CNTNAP2: variants seen among roughly 807,000 people sequenced by gnomAD.
CNTNAP2 encodes contactin-associated protein-like 2.
A neutral mutation model predicts 155.2 loss-of-function variants in CNTNAP2; 98 were observed. The ratio of observed to expected loss-of-function variants is 0.63; its 90% CI spans 0.54 to 0.75. CNTNAP2 has a LOEUF of 0.75. Ranked by LOEUF, CNTNAP2 falls within the 30% of genes least tolerant of loss-of-function variation. The pLI, the probability that CNTNAP2 is intolerant of heterozygous loss-of-function variation, is 0.00. For synonymous variants in CNTNAP2, 651 were observed against 631.2 expected (o/e 1.03, Z -0.47); for missense variants, 1,727 against 1,688.1 (o/e 1.02, Z -0.40).
In CNTNAP2 at chr7:146,937,224, T is replaced by TA. The variant is rs976018084; in HGVS notation, c.402+97328dup. ...AACACAGTGAAACCCCGTCTCTACT[T>TA]AAAAAAAATAGAAAAACTTAGCAGG... On this transcript the variant is annotated intron_variant, in intron 3 of 23. Coordinates refer to ENST00000361727, the MANE Select transcript of CNTNAP2 (RefSeq NM_014141.6). Among the ~76,000 whole-genome samples the TA allele has an allele frequency of 8.6e-5, 13 of 150,680 alleles. No individual in the cohort carries two copies. The South Asian group carries it at 1.3e-3, about 15-fold the overall frequency.
chr7:148,106,519 T>TATATATATATATATATATATATATATAC (rs1491129840), intron 15 of CNTNAP2, among the ~76,000 whole-genome samples: 13 of 130,862 alleles, frequency 9.9e-5, no homozygotes, highest in African/African-American at 3.3e-4. Flanking sequence ...TATATATATA[T>TATATATATATATATATATATATATATAC]ACATATTTTT....
chr7:146,433,647 G>C (rs952043294), intron 1 of CNTNAP2, among the ~76,000 whole-genome samples: 1 of 152,098 alleles, frequency 6.6e-6, no homozygotes, highest in African/African-American at 2.4e-5. Context: ...CAAGCATGAA[G>C]TCATGAGTTC....
intron 1 of CNTNAP2, among the ~76,000 whole-genome samples, chr7:146,656,409 A>G (rs190866917): frequency 6.6e-6 from 1 of 152,350 alleles, no homozygotes; most frequent in Non-Finnish European, 1.5e-5. Flanking sequence ...AAAATTTGAA[A>G]CAGTATATCT....
chr7:147,133,381 G>A (rs1801415689), intron 8 of CNTNAP2, among the ~76,000 whole-genome samples: 1 of 152,050 alleles, frequency 6.6e-6, no homozygotes, highest in Admixed American at 6.6e-5. Context: ...ACTTAGTACA[G>A]ATGTAGCAGA....
intron 21 of CNTNAP2, among the ~76,000 whole-genome samples, chr7:148,330,079 TGG>T: frequency 6.6e-6 from 1 of 152,048 alleles, no homozygotes; most frequent in Admixed American, 6.6e-5. Context: ...AATGGAGGGA[TGG>T]AGTGGACACA....
chr7:146,513,986 C>T (rs145475780), intron 1 of CNTNAP2, among the ~76,000 whole-genome samples: 195 of 152,042 alleles, frequency 1.3e-3, no homozygotes, highest in African/African-American at 4.6e-3. Context: ...TTTTTTACTT[C>T]AGTACTTTTT....
Position 147,044,057 on chromosome 7 carries a change from G to A in CNTNAP2, c.550+3G>A, listed in dbSNP as rs1799308718. ...TGAAGTTTATGGCTGTTCTTACTGT[G>A]AGTATCGTATTGTTTAAATTTGTGG... is the stretch of plus-strand genomic sequence containing the variant. On this transcript the variant is annotated splice_donor_region_variant and intron_variant, in intron 4 of 23. Coordinates refer to ENST00000361727, the MANE Select transcript of CNTNAP2 (RefSeq NM_014141.6). The A allele has an allele frequency of 6.2e-7, 1 of 1,614,036 alleles. No individual in the cohort carries two copies. Among genetic ancestry groups the A allele is most frequent in the Non-Finnish European group, 8.5e-7 (1 of 1,179,966 alleles).
chr7:147,758,800 G>A (rs1347703100), intron 13 of CNTNAP2, among the ~76,000 whole-genome samples: 1 of 152,122 alleles, frequency 6.6e-6, no homozygotes, highest in Admixed American at 6.5e-5. Context: ...AGCCCAGATT[G>A]CTCCACTGTA....
chr7:146,940,142 A>G (rs374717334), intron 3 of CNTNAP2, among the ~76,000 whole-genome samples: 3 of 152,196 alleles, frequency 2.0e-5, no homozygotes, highest in African/African-American at 7.2e-5. Flanking sequence ...TTAATATTTC[A>G]TTGATGTCAC....
At chr7:148,178,191 A>G (rs1794980352) in intron 18 of CNTNAP2, among the ~76,000 whole-genome samples, 1 of 152,226 alleles carries the variant, frequency 6.6e-6, no homozygotes, top group Non-Finnish European at 1.5e-5. Context: ...AGACACAAAG[A>G]TATCTCCAAA....
chr7:147,617,154 C>A (rs1000135527), intron 12 of CNTNAP2, among the ~76,000 whole-genome samples: 1 of 152,130 alleles, frequency 6.6e-6, no homozygotes, highest in African/African-American at 2.4e-5. Flanking sequence ...CTTCTTCATG[C>A]GACACATCCC....
chr7:147,723,403 G>T (rs1046691832), intron 13 of CNTNAP2, among the ~76,000 whole-genome samples: 4 of 151,892 alleles, frequency 2.6e-5, no homozygotes, highest in African/African-American at 7.2e-5. Flanking sequence ...TTGGGGAAAA[G>T]AAAAAATTTA....
intron 1 of CNTNAP2, among the ~76,000 whole-genome samples, chr7:146,347,973 G>A (rs1227751045): frequency 6.6e-6 from 1 of 152,168 alleles, no homozygotes; most frequent in Non-Finnish European, 1.5e-5. Flanking sequence ...ATCATCAGTT[G>A]GAGTTTTATT....
At chr7:147,265,492 G>A (rs1804586573) in intron 8 of CNTNAP2, among the ~76,000 whole-genome samples, 1 of 152,180 alleles carries the variant, frequency 6.6e-6, no homozygotes, top group Admixed American at 6.5e-5. Flanking sequence ...GGGGCTTAGG[G>A]ACCAAACTCT....
chr7:147,136,458 C>T (rs1304615748), intron 8 of CNTNAP2, among the ~76,000 whole-genome samples: 1 of 151,918 alleles, frequency 6.6e-6, no homozygotes, highest in African/African-American at 2.4e-5. Flanking sequence ...CTTCTGTGGA[C>T]TTGTTTTATT....
intron 13 of CNTNAP2, among the ~76,000 whole-genome samples, chr7:147,737,168 T>A (rs1190478564): frequency 6.6e-6 from 1 of 152,112 alleles, no homozygotes; most frequent in Non-Finnish European, 1.5e-5. Flanking sequence ...CTACCTTTGG[T>A]GTTTGATGAT....
intron 21 of CNTNAP2, among the ~76,000 whole-genome samples, chr7:148,279,776 A>C (rs901862658): frequency 6.6e-6 from 1 of 152,242 alleles, no homozygotes; most frequent in Non-Finnish European, 1.5e-5. Context: ...CAGGTGTTGC[A>C]TATGAACGCA....
At chr7:147,479,931 T>A (rs1798392488) in intron 10 of CNTNAP2, among the ~76,000 whole-genome samples, 1 of 152,134 alleles carries the variant, frequency 6.6e-6, no homozygotes, top group East Asian at 1.9e-4. Flanking sequence ...TTCTAAATAA[T>A]TTCTATTTGA....
chr7:146,581,274 T>C (rs933245492), intron 1 of CNTNAP2, among the ~76,000 whole-genome samples: 3 of 152,112 alleles, frequency 2.0e-5, no homozygotes, highest in African/African-American at 4.8e-5. Flanking sequence ...CAGGTTATTA[T>C]ATGCAAGAAA....
Sources: allele counts gnomAD v4.1 joint callset (sites outside exome capture counted in the v4.1 genomes callset), GRCh38; gene constraint gnomAD v4.1.1; transcripts MANE v1.5; gene names NCBI Gene and HGNC (gene_info 2026-07-23, HGNC 2026-07-21).